Variants in PDIA6 observed in about 807,000 individuals in gnomAD.
PDIA6 encodes the protein protein disulfide isomerase family A member 6.
Under a neutral mutation model 58.4 loss-of-function variants are expected in PDIA6, and 29 were observed. That is an observed-to-expected ratio of 0.50 (90% CI 0.37 to 0.68). The LOEUF (loss-of-function observed/expected upper bound fraction) is 0.68. PDIA6 is among the 30% of genes least tolerant of loss of function. PDIA6 has a pLI of 0.00. For synonymous variants in PDIA6, 192 were observed against 202.6 expected, an observed-to-expected ratio of 0.95 and a Z score of 0.44; for missense variants, 480 against 551.0, an observed-to-expected ratio of 0.87 and a Z score of 1.29.
chr2:10,787,257 AAAC>A (rs754927018), intron 11 of PDIA6, 21 bp downstream of exon 11: 2 of 1,608,430 alleles, frequency 1.2e-6, no homozygotes, highest in Non-Finnish European at 1.7e-6. Flanking sequence ...ACAAAACAAC[AAAC>A]AACCTAAGAA....
chr2:10,799,935 T>C (rs977340266), intron 2 of PDIA6, among the ~76,000 whole-genome samples: 2 of 150,762 alleles, frequency 1.3e-5, no homozygotes, highest in Admixed American at 6.6e-5. Context: ...AAAGAATAAA[T>C]CTGAAGCCAA....
intron 1 of PDIA6, among the ~76,000 whole-genome samples, chr2:10,822,109 T>A (rs1667414581): frequency 6.6e-6 from 1 of 151,006 alleles, no homozygotes; most frequent in African/African-American, 2.4e-5. Context: ...CTGGCTAATT[T>A]TTGTATTTTT....
intron 1 of PDIA6, among the ~76,000 whole-genome samples, chr2:10,808,540 G>A (rs1666859112): frequency 6.6e-6 from 1 of 152,196 alleles, no homozygotes; most frequent in Non-Finnish European, 1.5e-5. Context: ...AGAGGCCAAA[G>A]ATAAAATACA....
chr2:10,796,713 T>C (rs1572665646), intron 4 of PDIA6, among the ~76,000 whole-genome samples: 2 of 152,216 alleles, frequency 1.3e-5, no homozygotes, highest in African/African-American at 2.4e-5. Flanking sequence ...TCCTTTTCCA[T>C]AGTGTTATGT....
chr2:10,821,205 C>CGA, intron 1 of PDIA6: 2 of 229,778 alleles, frequency 8.7e-6, no homozygotes, highest in East Asian at 1.1e-4. Context: ...TTAATCATGG[C>CGA]CTCATCAGCT....
intron 1 of PDIA6, among the ~76,000 whole-genome samples, chr2:10,822,380 A>G (rs1009763857): frequency 6.6e-6 from 1 of 151,946 alleles, no homozygotes; most frequent in African/African-American, 2.4e-5. Context: ...CTCCTTCCTC[A>G]GCCTCCCGAG....
intron 2 of PDIA6, among the ~76,000 whole-genome samples, chr2:10,802,234 T>A (rs189994997): frequency 3.8e-4 from 58 of 152,322 alleles, no homozygotes; most frequent in Non-Finnish European, 5.9e-5. Flanking sequence ...CAGAGTGAAG[T>A]TAATCACTGG....
chr2:10,818,830 A>G (rs7576898), intron 2 of PDIA6, among the ~76,000 whole-genome samples: 38,054 of 151,714 alleles, frequency 0.25, 4,996 homozygotes, highest in Non-Finnish European at 0.27. Flanking sequence ...GCCTTTAACC[A>G]TTTTTAAGTG....
At chr2:10,836,560 T>C (rs572438298), upstream of PDIA6, among the ~76,000 whole-genome samples, 1 of 148,122 alleles carries the variant, frequency 6.8e-6, no homozygotes, top group South Asian at 2.2e-4. Flanking sequence ...TTTTTTTTAA[T>C]TAAGAGATCA....
Position 10,784,961 on chromosome 2 carries a change from T to G in PDIA6, c.1227A>C (p.Arg409Ser), listed in dbSNP as rs908972592. 1.1e-5 allele frequency: 18 copies of G among 1,591,252 alleles called. No individual in the cohort carries two copies. The highest frequency in any genetic ancestry group is 2.7e-5 in the African/African-American group (2 of 74,560). Residue 409 changes from arginine (R) to serine (S), a missense_variant, in exon 12 of 13, where the codon AGA becomes AGC. Transcript: ENST00000272227. ...GGGAFPTIVEREPWDGRDGEL... is the reference protein window; with the variant it reads ...GGGAFPTIVESEPWDGRDGEL... ...CGCCATCCCTGCCGTCCCAAGGCTCTCTCTCAACGATGGTAGGGAAAGCCC... is the reference window on the plus strand; with the variant it reads ...CGCCATCCCTGCCGTCCCAAGGCTCGCTCTCAACGATGGTAGGGAAAGCCC...
intron 1 of PDIA6, among the ~76,000 whole-genome samples, chr2:10,829,457 T>C (rs1667644597): frequency 6.6e-6 from 1 of 152,238 alleles, no homozygotes; most frequent in African/African-American, 2.4e-5. Flanking sequence ...CCAAAAGCCA[T>C]AATAACCAAG....
intron 7 of PDIA6, 63 bp from the exon 8 acceptor site, chr2:10,789,952 T>A: frequency 6.8e-7 from 1 of 1,472,062 alleles, no homozygotes; most frequent in Non-Finnish European, 9.3e-7. Context: ...ACACAATCTT[T>A]ACAGTTTCTA....
At chr2:10,823,264 A>T (rs540575374) in intron 1 of PDIA6, 1 of 152,344 alleles carries the variant, frequency 6.6e-6, no homozygotes, top group East Asian at 1.9e-4. Context: ...CCACACTGGC[A>T]TTTGCCACTT....
At chr2:10,835,975 C>T (rs944920922), upstream of PDIA6, among the ~76,000 whole-genome samples, 3 of 151,662 alleles carry the variant, frequency 2.0e-5, no homozygotes, top group East Asian at 1.9e-4. Flanking sequence ...CACTTGAACC[C>T]GGGAAGCAGA....
At chr2:10,793,321 G>T in intron 4 of PDIA6, 119 bp from the exon 5 acceptor site, 1 of 665,960 alleles carries the variant, frequency 1.5e-6, no homozygotes, top group Non-Finnish European at 2.8e-6. Context: ...ACACAGTTCT[G>T]ACACGTGTAT....
chr2:10,817,933 G>A (rs1667249008), intron 2 of PDIA6, among the ~76,000 whole-genome samples: 1 of 152,224 alleles, frequency 6.6e-6, no homozygotes, highest in Non-Finnish European at 1.5e-5. Context: ...TCAGGGTGAA[G>A]AATCTGGGCT....
At position 10,783,553 on chromosome 2, in the gene PDIA6, T is replaced by C. The variant is rs1665529231; in HGVS notation, c.*705A>G. ...GCTGTATTTCATGTCTTAACGGCTA[T>C]TTTGAGGTTCATTAACAACATAGAA... is the stretch of plus-strand genomic sequence containing the variant. On this transcript the variant is annotated 3_prime_UTR_variant, in exon 13 of 13. Transcript: ENST00000272227. The C allele has an allele frequency of 2.0e-5, 6 of 296,588 alleles. No individual in the cohort carries two copies. Among genetic ancestry groups the C allele is most frequent in the Non-Finnish European group, 3.9e-5 (6 of 155,520 alleles). The allele number at this position is 296,588 out of a possible 1,614,324, so 18.4% of individuals were successfully genotyped here.
chr2:10,800,231 C>G lies in PDIA6; in HGVS notation c.161+2268G>C, dbSNP rs142135918. On this transcript the variant is annotated intron_variant, in intron 2 of 12. Coordinates refer to ENST00000272227, the MANE Select transcript of PDIA6 (RefSeq NM_005742.4). ...GGATCTTGGTACCGGTTTAGCATCTCTATTCTAAAAACCCACAACCTGAAA... is the reference window on the plus strand; with the variant it reads ...GGATCTTGGTACCGGTTTAGCATCTGTATTCTAAAAACCCACAACCTGAAA... 4.7e-3 allele frequency among the ~76,000 whole-genome samples: 717 copies of G among 152,324 alleles called. 2 individuals carry two copies. Among genetic ancestry groups the G allele is most frequent in the Admixed American group, 9.6e-3 (147 of 15,290 alleles).
intron 1 of PDIA6, among the ~76,000 whole-genome samples, chr2:10,809,672 A>AAC (rs1666922302): frequency 2.1e-5 from 3 of 145,146 alleles, no homozygotes; most frequent in African/African-American, 7.6e-5. Context: ...AAAAAAAAAA[A>AAC]CCCAAAAAAT....
Sources: allele counts gnomAD v4.1 joint callset (sites outside exome capture counted in the v4.1 genomes callset), GRCh38; gene constraint gnomAD v4.1.1; transcripts MANE v1.5; gene names NCBI Gene and HGNC (gene_info 2026-07-23, HGNC 2026-07-21).